Variants in DNASE1 observed in about 807,000 individuals in gnomAD.
The protein encoded by DNASE1 is deoxyribonuclease 1, also known as deoxyribonuclease-1.
In DNASE1, 40 loss-of-function variants were observed where a neutral mutation model predicts 33.9. The observed-to-expected ratio is 1.18, with a 90% CI of 0.92 to 1.54. The LOEUF is 1.54. Ranked by LOEUF, DNASE1 falls within the 40% of genes most tolerant of loss-of-function variation. The probability of loss-of-function intolerance (pLI) is 0.00; values close to 1 mark genes in which losing one functional copy is unlikely to be tolerated. For synonymous variants in DNASE1, 216 were observed against 160.0 expected (o/e 1.35, Z -2.64); for missense variants, 518 against 372.6 (o/e 1.39, Z -3.21).
downstream of DNASE1, chr16:3,661,551 C>G (rs1169404677): frequency 1.9e-5 from 3 of 156,452 alleles, no homozygotes; most frequent in African/African-American, 7.2e-5. Context: ...TCTGCTGTGC[C>G]GAGGTGGGTT....
intron 1 of DNASE1, among the ~76,000 whole-genome samples, chr16:3,635,244 G>A (rs1198101231): frequency 6.6e-6 from 1 of 152,008 alleles, no homozygotes; most frequent in East Asian, 1.9e-4. Context: ...GATCGCTTGA[G>A]GTCAGGAGTT....
intron 1 of DNASE1, among the ~76,000 whole-genome samples, chr16:3,623,203 ACTGAT>A (rs1567187888): frequency 6.6e-6 from 1 of 152,136 alleles, no homozygotes; most frequent in Non-Finnish European, 1.5e-5. Context: ...CCTGCAACCA[ACTGAT>A]CTTCAATAAA....
intron 1 of DNASE1, among the ~76,000 whole-genome samples, chr16:3,615,072 T>A (rs1197501139): frequency 6.6e-6 from 1 of 152,228 alleles, no homozygotes; most frequent in Non-Finnish European, 1.5e-5. Flanking sequence ...TGGAATTTTT[T>A]TTTTTTAATT....
chr16:3,643,536 C>T (rs562026509), intron 1 of DNASE1, among the ~76,000 whole-genome samples: 2 of 152,302 alleles, frequency 1.3e-5, no homozygotes, highest in African/African-American at 4.8e-5. Flanking sequence ...CACTGCTGCC[C>T]ACCACGGAGC....
chr16:3,655,795 A>G (rs2042565440), intron 2 of DNASE1, 54 bp from the exon 3 acceptor site: 9 of 1,599,184 alleles, frequency 5.6e-6, no homozygotes, highest in Non-Finnish European at 7.7e-6. Flanking sequence ...GTGGCGCTGT[A>G]GGGTCCCTGG....
Position 3,643,676 on chromosome 16 carries a change from A to G in DNASE1, c.-86+640A>G, listed in dbSNP as rs376570505. Among the ~76,000 whole-genome samples, 4 of 152,384 alleles carry G rather than the reference A, an allele frequency of 2.6e-5. No homozygotes were observed. The South Asian group carries it at 8.3e-4, about 32-fold the overall frequency. On this transcript the variant is annotated intron_variant, in intron 1 of 9. Coordinates refer to the DNASE1 transcript ENST00000407479. ...AGGGGACCAGGGGAAGAAAGGTGAC[A>G]GACCCACAGGAGACTGAGATACGGT... is the stretch of plus-strand genomic sequence containing the variant.
At chr16:3,636,544 G>C (rs1191352410) in intron 1 of DNASE1, among the ~76,000 whole-genome samples, 1 of 152,180 alleles carries the variant, frequency 6.6e-6, no homozygotes, top group African/African-American at 2.4e-5. Context: ...TGAGGAGGCC[G>C]GGCATGGTGG....
chr16:3,663,319 C>A lies in DNASE1; in HGVS notation c.*5366C>A, dbSNP rs2050731839. The A allele has an allele frequency of 3.4e-6, 5 of 1,486,416 alleles. No individual in the cohort carries two copies. In the Admixed American group the frequency reaches 9.9e-5, roughly 29 times the overall value. 92.1% of individuals were successfully genotyped at this position (1,486,416 alleles called of 1,614,324 possible). ...AAGGCTCTTCTCGGGGGTGGCTGAG[C>A]CCAGGTCAACTGACGAAAACCCAAA... On this transcript the variant is annotated 3_prime_UTR_variant, in exon 10 of 10. Coordinates refer to the DNASE1 transcript ENST00000407479.
chr16:3,651,607 C>G (rs2042338638), upstream of DNASE1: 2 of 152,462 alleles, frequency 1.3e-5, no homozygotes, highest in South Asian at 4.1e-4. Flanking sequence ...CGACAGCAGC[C>G]AGCTCCGCCT....
downstream of DNASE1, chr16:3,658,169 C>G (rs2791): frequency 6.2e-7 from 1 of 1,613,918 alleles, no homozygotes. Flanking sequence ...CTCATTCAAG[C>G]GGCCCACCAT....
intron 7 of DNASE1, 137 bp downstream of exon 7, chr16:3,657,478 G>A (rs1179569755): frequency 3.0e-6 from 4 of 1,324,808 alleles, no homozygotes; most frequent in Non-Finnish European, 3.1e-6. Context: ...ACAGGGAACA[G>A]AATAACAAGA....
chr16:3,665,229 C>A (rs1195419398), exon 10 of DNASE1: 1 of 152,214 alleles, frequency 6.6e-6, no homozygotes, highest in Non-Finnish European at 1.5e-5. Context: ...GGCAAACAAC[C>A]AGAACACGGC....
At chr16:3,655,194 C>A in intron 1 of DNASE1, 150 bp downstream of exon 1, 1 of 802,336 alleles carries the variant, frequency 1.2e-6, no homozygotes, top group African/African-American at 1.7e-5. Context: ...GACTCGGGGT[C>A]CTCTACGTGG....
At chr16:3,644,415 T>C (rs2042110201) in intron 1 of DNASE1, among the ~76,000 whole-genome samples, 1 of 151,930 alleles carries the variant, frequency 6.6e-6, no homozygotes, top group Non-Finnish European at 1.5e-5. Context: ...ATACAAAAAT[T>C]AGCCAGGTGT....
chr16:3,645,202 C>T (rs1277095605), intron 1 of DNASE1, among the ~76,000 whole-genome samples: 2 of 152,212 alleles, frequency 1.3e-5, no homozygotes, highest in African/African-American at 2.4e-5. Flanking sequence ...CCACTTTACA[C>T]TGTGTGTCCT....
At chr16:3,636,840 C>CA (rs1199488368) in intron 1 of DNASE1, among the ~76,000 whole-genome samples, 1 of 150,960 alleles carries the variant, frequency 6.6e-6, no homozygotes, top group Non-Finnish European at 1.5e-5. Context: ...GAAAAAAAAA[C>CA]AGGCCAGGCA....
rs764793736 is a variant in DNASE1 at position 3,656,177 on chromosome 16, C to T, written c.312C>T (p.Phe104=). The T allele has an allele frequency of 1.9e-5, 31 of 1,613,904 alleles. No individual in the cohort carries two copies. The highest frequency in any genetic ancestry group is 8.8e-5 in the South Asian group (8 of 91,082). The part of the protein sequence containing the change: ...GRNSYKERYL[F]VYRPDQVSAV... ...ACAGCTATAAGGAGCGCTACCTGTTCGTGTACAGGTGGGTGGTCTAGAAAG... is the reference window on the plus strand; with the variant it reads ...ACAGCTATAAGGAGCGCTACCTGTTTGTGTACAGGTGGGTGGTCTAGAAAG... The change falls in exon 4 of 9, where the codon TTC becomes TTT. Residue 104 remains phenylalanine, a synonymous_variant. Coordinates refer to ENST00000246949, the MANE Select transcript of DNASE1 (RefSeq NM_005223.4).
At chr16:3,616,325 A>C (rs889857559) in intron 1 of DNASE1, among the ~76,000 whole-genome samples, 10 of 152,232 alleles carry the variant, frequency 6.6e-5, no homozygotes, top group Non-Finnish European at 1.5e-4. Flanking sequence ...CGATGTTAAA[A>C]TTCATATGGA....
In DNASE1 at chr16:3,655,462, T is replaced by G; in HGVS notation, c.89T>G (p.Ile30Ser). The G allele has an allele frequency of 6.2e-7, 1 of 1,614,126 alleles. No individual in the cohort carries two copies. Among genetic ancestry groups the G allele is most frequent in the Non-Finnish European group, 8.5e-7 (1 of 1,180,038 alleles). ...AVSLKIAAFN[I>S]QTFGETKMSN... ...TCCCTGAAGATCGCAGCCTTCAACA[T>G]CCAGACATTTGGGGAGACCAAGATG... The change falls in exon 2 of 9, where the codon ATC (isoleucine) becomes AGC (serine). Residue 30 changes from isoleucine (I) to serine (S), a missense_variant. Ile to Ser is a moderately radical substitution (Grantham distance 142). Transcript: ENST00000246949.
Sources: allele counts gnomAD v4.1 joint callset (sites outside exome capture counted in the v4.1 genomes callset), GRCh38; gene constraint gnomAD v4.1.1; transcripts MANE v1.5; gene names NCBI Gene and HGNC (gene_info 2026-07-23, HGNC 2026-07-21).